HYDIN: variants seen among roughly 807,000 people sequenced by gnomAD.
HYDIN encodes the protein HYDIN axonemal central pair apparatus protein, also known as axonemal central pair apparatus protein HYDIN.
Under a neutral mutation model 403.9 loss-of-function variants are expected in HYDIN, and 132 were observed. The observed-to-expected ratio is 0.33, with a 90% CI of 0.28 to 0.38. The LOEUF is 0.38. HYDIN is among the 10% of genes least tolerant of loss of function. The probability of loss-of-function intolerance (pLI) is 1.00; values close to 1 mark genes in which losing one functional copy is unlikely to be tolerated. For missense variants in HYDIN, 2,827 were observed against 5,009.5 expected, an observed-to-expected ratio of 0.56 and a Z score of 13.15; for synonymous variants, 1,202 against 1,891.7, an observed-to-expected ratio of 0.64 and a Z score of 9.46.
At chr16:71,012,263 A>C (rs2080112427) in intron 23 of HYDIN, among the ~76,000 whole-genome samples, 1 of 152,286 alleles carries the variant, frequency 6.6e-6, no homozygotes, top group Admixed American at 6.5e-5. Flanking sequence ...CTGCAGCGAC[A>C]GCTGTGTGGT....
intron 8 of HYDIN, among the ~76,000 whole-genome samples, chr16:71,134,607 G>A (rs901139606): frequency 6.6e-6 from 1 of 152,048 alleles, no homozygotes; most frequent in African/African-American, 2.4e-5. Flanking sequence ...CCTGGGACAC[G>A]ATCTGAGAAT....
intron 75 of HYDIN, among the ~76,000 whole-genome samples, chr16:70,843,273 A>G (rs893379246): frequency 7.1e-6 from 1 of 140,424 alleles, no homozygotes; most frequent in African/African-American, 2.7e-5. Flanking sequence ...ATTCCCACCT[A>G]TGAGTGAGAA....
At chr16:71,196,669 A>G (rs1192287282) in intron 1 of HYDIN, among the ~76,000 whole-genome samples, 1 of 152,176 alleles carries the variant, frequency 6.6e-6, no homozygotes, top group Non-Finnish European at 1.5e-5. Flanking sequence ...TCTAAGTCAC[A>G]GGACGAGATA....
intron 1 of HYDIN, among the ~76,000 whole-genome samples, chr16:71,218,461 ACT>A (rs1250313058): frequency 6.6e-6 from 1 of 152,226 alleles, no homozygotes; most frequent in African/African-American, 2.4e-5. Context: ...TTAATTGTAT[ACT>A]GGGGAGGAGG....
At chr16:70,859,219 T>A (rs1003344485) in intron 71 of HYDIN, among the ~76,000 whole-genome samples, 3 of 152,048 alleles carry the variant, frequency 2.0e-5, no homozygotes, top group Non-Finnish European at 4.4e-5. Context: ...GAGAATAGCG[T>A]GAACCCAGGA....
At chr16:71,085,374 G>A (rs1223343404) in intron 12 of HYDIN, among the ~76,000 whole-genome samples, 5 of 130,580 alleles carry the variant, frequency 3.8e-5, no homozygotes, top group Admixed American at 8.3e-5. Flanking sequence ...GCATACAATT[G>A]TTCATAGCAT....
intron 1 of HYDIN, among the ~76,000 whole-genome samples, chr16:71,217,304 A>G (rs2088937845): frequency 6.6e-6 from 1 of 152,182 alleles, no homozygotes; most frequent in Non-Finnish European, 1.5e-5. Flanking sequence ...AGACAAGTTC[A>G]TGAATACAGG....
Position 70,802,311 on chromosome 16 carries a change from C to G in HYDIN, c.*5269G>C, listed in dbSNP as rs2034911564. ...TGTAAATATGATGGGCTATGCATCA[C>G]TCACATGATTATATTATGTAATATC... On this transcript the variant is annotated 3_prime_UTR_variant, in exon 86 of 86. Transcript: ENST00000393567. 6.6e-6 allele frequency: 1 copy of G among 152,178 alleles called. No homozygotes were observed. The highest frequency in any genetic ancestry group is 1.9e-4 in the East Asian group (1 of 5,202). 9.4% of individuals were successfully genotyped at this position (152,178 alleles called of 1,614,324 possible).
At chr16:71,061,592 G>C (rs2082081677) in intron 17 of HYDIN, among the ~76,000 whole-genome samples, 1 of 151,948 alleles carries the variant, frequency 6.6e-6, no homozygotes, top group Non-Finnish European at 1.5e-5. Flanking sequence ...TTAACAGCTT[G>C]AGTAGGCTGA....
chr16:70,886,207 C>A (rs925189141), intron 58 of HYDIN, among the ~76,000 whole-genome samples: 63 of 152,194 alleles, frequency 4.1e-4, no homozygotes, highest in African/African-American at 1.4e-3. Context: ...AGACTTCGTT[C>A]TTCAATTTTT....
At chr16:71,093,374 T>C (rs1430426365) in intron 11 of HYDIN, among the ~76,000 whole-genome samples, 2 of 151,938 alleles carry the variant, frequency 1.3e-5, no homozygotes, top group Non-Finnish European at 2.9e-5. Flanking sequence ...GATTGGAGAC[T>C]AGTGCATTAA....
intron 12 of HYDIN, among the ~76,000 whole-genome samples, chr16:71,086,699 G>A (rs528894764): frequency 1.3e-5 from 2 of 152,306 alleles, no homozygotes; most frequent in African/African-American, 4.8e-5. Context: ...ATGACTCAGA[G>A]CAATACTTCC....
At chr16:70,881,733 C>T (rs539477475) in intron 60 of HYDIN, among the ~76,000 whole-genome samples, 1 of 152,344 alleles carries the variant, frequency 6.6e-6, no homozygotes, top group East Asian at 1.9e-4. Context: ...GGAATGCACA[C>T]TCCATATGTA....
At position 70,868,637 on chromosome 16, in the gene HYDIN, C is replaced by A; in HGVS notation, c.11243G>T (p.Arg3748Leu). Reference protein sequence around the residue: ...PADQVPDWDDRMHTVKWVDVP... With the variant: ...PADQVPDWDDLMHTVKWVDVP... ...GTCCACCCACTTGACTGTGTGCATG[C>A]GGTCATCCCAGTCGGGGACCTGGTC... Residue 3748 changes from arginine (R) to leucine (L), a missense_variant, in exon 66 of 86, where the codon CGC becomes CTC. Arg to Leu is a moderately radical substitution (Grantham distance 102). Transcript: ENST00000393567. The A allele has an allele frequency of 6.2e-7, 1 of 1,614,002 alleles. No individual in the cohort carries two copies. Among genetic ancestry groups the A allele is most frequent in the Non-Finnish European group, 8.5e-7 (1 of 1,179,996 alleles).
chr16:70,852,090 A>G (rs1324251877), intron 73 of HYDIN, among the ~76,000 whole-genome samples: 1 of 121,436 alleles, frequency 8.2e-6, no homozygotes, highest in Non-Finnish European at 1.6e-5. Context: ...AGATGGCAAC[A>G]AAAGAAGCTG....
intron 8 of HYDIN, among the ~76,000 whole-genome samples, chr16:71,136,763 T>C (rs1297501404): frequency 8.8e-6 from 1 of 113,614 alleles, no homozygotes; most frequent in African/African-American, 3.3e-5. Flanking sequence ...CGAGACTCCA[T>C]CTCAAAAAAA....
At chr16:70,950,022 A>G (rs1451045962) in intron 41 of HYDIN, among the ~76,000 whole-genome samples, 3 of 150,624 alleles carry the variant, frequency 2.0e-5, no homozygotes, top group African/African-American at 7.3e-5. Context: ...GGTGAAAAGG[A>G]TAGTGCTCCA....
chr16:71,190,808 T>C (rs1001037846), intron 1 of HYDIN, among the ~76,000 whole-genome samples: 5 of 152,174 alleles, frequency 3.3e-5, no homozygotes, highest in East Asian at 1.9e-4. Context: ...TGTAGTGTTA[T>C]TGACAGAAAT....
intron 75 of HYDIN, among the ~76,000 whole-genome samples, chr16:70,843,002 A>C (rs1341705936): frequency 1.3e-5 from 2 of 151,584 alleles, no homozygotes; most frequent in Non-Finnish European, 2.9e-5. Flanking sequence ...ATAACAACTT[A>C]ATTTCTTTTT....
Sources: allele counts gnomAD v4.1 joint callset (sites outside exome capture counted in the v4.1 genomes callset), GRCh38; gene constraint gnomAD v4.1.1; transcripts MANE v1.5; gene names NCBI Gene and HGNC (gene_info 2026-07-23, HGNC 2026-07-21).